TAFA1: variants seen among roughly 807,000 people sequenced by gnomAD.
TAFA1 encodes chemokine-like protein TAFA-1.
TAFA1 carries 4 observed loss-of-function variants against 18.5 expected under a neutral mutation model. That is an observed-to-expected ratio of 0.22 (90% CI 0.11 to 0.49). TAFA1 has a LOEUF of 0.49. Among genes scored for constraint, TAFA1 ranks in the 20% least tolerant of loss-of-function variants. The pLI, the probability that TAFA1 is intolerant of heterozygous loss-of-function variation, is 0.98. For synonymous variants in TAFA1, 56 were observed against 55.2 expected (o/e 1.01, Z -0.06); for missense variants, 147 against 169.0 (o/e 0.87, Z 0.72).
intron 2 of TAFA1, among the ~76,000 whole-genome samples, chr3:68,187,969 GT>G (rs1349425477): frequency 6.6e-6 from 1 of 151,798 alleles, no homozygotes; most frequent in East Asian, 1.9e-4. Flanking sequence ...GTTTAATAAA[GT>G]TTCTGTTTAC....
At chr3:68,410,538 T>C (rs974121696) in intron 2 of TAFA1, among the ~76,000 whole-genome samples, 1 of 151,852 alleles carries the variant, frequency 6.6e-6, no homozygotes, top group African/African-American at 2.4e-5. Context: ...GATTAACTGA[T>C]AACAGAAACA....
chr3:68,418,802 C>T (rs1405909671), intron 3 of TAFA1, among the ~76,000 whole-genome samples: 4 of 152,166 alleles, frequency 2.6e-5, no homozygotes, highest in African/African-American at 9.7e-5. Flanking sequence ...ACTTCTCATG[C>T]ATTATTTTAT....
At chr3:68,078,493 C>T (rs559365799) in intron 2 of TAFA1, among the ~76,000 whole-genome samples, 1 of 152,118 alleles carries the variant, frequency 6.6e-6, no homozygotes. Context: ...CCATCAATAC[C>T]TAATTTATTG....
At chr3:68,505,752 A>G (rs2072738274) in intron 3 of TAFA1, among the ~76,000 whole-genome samples, 2 of 152,092 alleles carry the variant, frequency 1.3e-5, no homozygotes, top group Admixed American at 6.6e-5. Flanking sequence ...CCCCTCCCAC[A>G]GGCAGTTTGC....
intron 2 of TAFA1, among the ~76,000 whole-genome samples, chr3:68,334,905 C>T (rs1010215129): frequency 3.4e-4 from 51 of 152,160 alleles, no homozygotes; most frequent in South Asian, 6.2e-4. Flanking sequence ...AGGTGTCACA[C>T]ATCACTTATA....
chr3:68,251,650 G>C (rs925738208), intron 2 of TAFA1, among the ~76,000 whole-genome samples: 9 of 152,166 alleles, frequency 5.9e-5, no homozygotes. Context: ...AGCTCAGGGG[G>C]AAAGTGTTTC....
intron 2 of TAFA1, chr3:68,144,904 T>C (rs1322658182): frequency 2.9e-6 from 2 of 685,830 alleles, no homozygotes; most frequent in Non-Finnish European, 5.3e-6. Flanking sequence ...AAATTGGAGA[T>C]AATAATAGGT....
chr3:68,319,345 C>A (rs953316988), intron 2 of TAFA1, among the ~76,000 whole-genome samples: 1 of 152,228 alleles, frequency 6.6e-6, no homozygotes, highest in Non-Finnish European at 1.5e-5. Context: ...CTTCCTTCAT[C>A]ATTCCCCCAC....
chr3:68,247,109 ACTCT>A lies in TAFA1; in HGVS notation c.119-170168_119-170165del, dbSNP rs369884858. ...ATACCTCCACCTACGCTATATACTG[ACTCT>A]CTATCCTCCCTCTCTTCCTCCTTCC... On this transcript the variant is annotated intron_variant, in intron 2 of 4. Transcript: ENST00000478136. Among the ~76,000 whole-genome samples the A allele has an allele frequency of 1.2e-4, 19 of 152,078 alleles. No individual in the cohort carries two copies. In the East Asian group the frequency reaches 3.3e-3, roughly 26 times the overall value.
At chr3:68,389,917 C>T (rs905314635) in intron 2 of TAFA1, among the ~76,000 whole-genome samples, 1 of 152,142 alleles carries the variant, frequency 6.6e-6, no homozygotes, top group Non-Finnish European at 1.5e-5. Flanking sequence ...GGGTTTCAAG[C>T]ACAAAATTGG....
intron 2 of TAFA1, among the ~76,000 whole-genome samples, chr3:68,372,705 CA>C (rs1395890240): frequency 6.6e-6 from 1 of 151,752 alleles, no homozygotes. Context: ...AAATAAACTG[CA>C]AAAACCCACA....
intron 3 of TAFA1, among the ~76,000 whole-genome samples, chr3:68,450,217 G>A (rs1435366100): frequency 6.6e-6 from 1 of 152,142 alleles, no homozygotes; most frequent in East Asian, 1.9e-4. Context: ...AGAGTGATTT[G>A]CCTACTTTCT....
intron 2 of TAFA1, among the ~76,000 whole-genome samples, chr3:68,060,572 C>T (rs1324771170): frequency 6.6e-6 from 1 of 152,170 alleles, no homozygotes; most frequent in Non-Finnish European, 1.5e-5. Context: ...GTGGGTCCTT[C>T]TCCAGAAATC....
At chr3:68,132,086 T>C (rs1030599644) in intron 2 of TAFA1, among the ~76,000 whole-genome samples, 5 of 152,172 alleles carry the variant, frequency 3.3e-5, no homozygotes, top group African/African-American at 1.2e-4. Context: ...TGTGTCCATG[T>C]GTTCTCATTG....
intron 2 of TAFA1, among the ~76,000 whole-genome samples, chr3:68,071,036 C>G (rs2064747996): frequency 6.6e-6 from 1 of 152,230 alleles, no homozygotes; most frequent in Non-Finnish European, 1.5e-5. Context: ...TACCTAGTTC[C>G]AAATTCACTT....
At chr3:68,370,777 G>A (rs1428967798) in intron 2 of TAFA1, among the ~76,000 whole-genome samples, 10 of 95,194 alleles carry the variant, frequency 1.1e-4, no homozygotes, top group African/African-American at 3.3e-4. Flanking sequence ...GGGTGTTTTC[G>A]TTGTTTTTTT....
At position 68,473,023 on chromosome 3, in the gene TAFA1, G is replaced by C. The variant is rs148075591; in HGVS notation, c.259+55603G>C. On this transcript the variant is annotated intron_variant, in intron 3 of 4. Transcript: ENST00000478136. ...TAGGAGATTACTTTTAAGAAATCTC[G>C]AAGTAATTGCCAACAAGTTGGAGTC... Among the ~76,000 whole-genome samples, 35 of 152,238 alleles carry C rather than the reference G, an allele frequency of 2.3e-4. No homozygotes were observed. The East Asian group carries it at 6.0e-3, about 26-fold the overall frequency.
At chr3:68,330,834 A>G (rs1032709426) in intron 2 of TAFA1, among the ~76,000 whole-genome samples, 3 of 152,138 alleles carry the variant, frequency 2.0e-5, no homozygotes, top group Non-Finnish European at 4.4e-5. Context: ...TGGCTGTGAC[A>G]TTTTCTACTC....
intron 2 of TAFA1, among the ~76,000 whole-genome samples, chr3:68,134,053 T>G: frequency 7.4e-6 from 1 of 134,724 alleles, no homozygotes; most frequent in African/African-American, 2.8e-5. Flanking sequence ...AAATGACAAG[T>G]GTGATGACAA....
Sources: gnomAD v4.1 joint callset for allele counts (sites outside exome capture counted in the v4.1 genomes callset) on GRCh38, gnomAD v4.1.1 for gene constraint, MANE v1.5 for transcripts, NCBI Gene and HGNC (gene_info 2026-07-23, HGNC 2026-07-21) for gene names.